The following MGAT4C variants were observed in gnomAD, a reference collection of about 807,000 sequenced individuals.
The protein encoded by MGAT4C is MGAT4 family member C.
In MGAT4C, 19 loss-of-function variants were observed where a neutral mutation model predicts 40.1. The observed-to-expected ratio is 0.47, with a 90% confidence interval of 0.33 to 0.70. The LOEUF (loss-of-function observed/expected upper bound fraction) is 0.70. Ranked by LOEUF, MGAT4C falls within the 30% of genes least tolerant of loss-of-function variation. The pLI is 0.02. For missense variants in MGAT4C, 491 were observed against 563.2 expected (o/e 0.87, Z 1.30); for synonymous variants, 181 against 187.1 (o/e 0.97, Z 0.27).
At chr12:86,497,791 T>G (rs1368582351) in intron 2 of MGAT4C, among the ~76,000 whole-genome samples, 1 of 150,892 alleles carries the variant, frequency 6.6e-6, no homozygotes, top group East Asian at 1.9e-4. Flanking sequence ...TTATTTTGCT[T>G]ATTTTTCACC....
intron 2 of MGAT4C, among the ~76,000 whole-genome samples, chr12:86,464,378 T>G (rs752245393): frequency 1.9e-3 from 284 of 152,298 alleles, no homozygotes; most frequent in Non-Finnish European, 3.1e-3. Context: ...GAAAATTGTA[T>G]CCGCAGTTCT....
At chr12:86,771,865 T>C (rs1360428873) in intron 1 of MGAT4C, among the ~76,000 whole-genome samples, 2 of 152,142 alleles carry the variant, frequency 1.3e-5, no homozygotes, top group African/African-American at 4.8e-5. Flanking sequence ...TGTGTTCTAG[T>C]GTTTTGTGGA....
intron 2 of MGAT4C, among the ~76,000 whole-genome samples, chr12:85,991,359 C>T (rs1353716365): frequency 6.6e-6 from 1 of 152,126 alleles, no homozygotes; most frequent in Non-Finnish European, 1.5e-5. Context: ...TGGGCGGGCC[C>T]AGAAAAGGCA....
At chr12:86,218,652 T>C (rs1950761605) in intron 1 of MGAT4C, among the ~76,000 whole-genome samples, 1 of 152,150 alleles carries the variant, frequency 6.6e-6, no homozygotes, top group Non-Finnish European at 1.5e-5. Flanking sequence ...AGAACTCTAA[T>C]AAAACAACTG....
chr12:86,460,850 A>G (rs551535257), intron 2 of MGAT4C, among the ~76,000 whole-genome samples: 3 of 152,206 alleles, frequency 2.0e-5, no homozygotes, highest in East Asian at 1.9e-4. Flanking sequence ...CTAAATGTCA[A>G]TAGTAAACAA....
intron 1 of MGAT4C, among the ~76,000 whole-genome samples, chr12:86,828,029 T>C (rs1227952788): frequency 6.6e-6 from 1 of 151,188 alleles, no homozygotes; most frequent in African/African-American, 2.4e-5. Flanking sequence ...TCTCTAAAGA[T>C]AAAAACTTAG....
intron 2 of MGAT4C, among the ~76,000 whole-genome samples, chr12:86,592,843 C>T (rs926788954): frequency 4.4e-4 from 67 of 152,264 alleles, no homozygotes; most frequent in African/African-American, 1.5e-3. Context: ...TATTGAATGA[C>T]TTCTGTTCTC....
chr12:86,132,205 T>C (rs2135713922), intron 1 of MGAT4C, among the ~76,000 whole-genome samples: 1 of 152,344 alleles, frequency 6.6e-6, no homozygotes, highest in East Asian at 1.9e-4. Context: ...ACTTTCTGAT[T>C]ATCTGTCTGA....
At chr12:86,031,366 T>C (rs1487884392) in intron 2 of MGAT4C, among the ~76,000 whole-genome samples, 1 of 151,850 alleles carries the variant, frequency 6.6e-6, no homozygotes, top group Non-Finnish European at 1.5e-5. Context: ...CTGCATTCTT[T>C]TTCTCTGGTT....
At chr12:86,426,299 G>A (rs1956924545) in intron 3 of MGAT4C, among the ~76,000 whole-genome samples, 1 of 152,038 alleles carries the variant, frequency 6.6e-6, no homozygotes, top group Non-Finnish European at 1.5e-5. Context: ...TTTACCGATT[G>A]GCTCACGAGT....
intron 1 of MGAT4C, among the ~76,000 whole-genome samples, chr12:86,750,243 C>A (rs549822534): frequency 6.6e-6 from 1 of 151,914 alleles, no homozygotes; most frequent in African/African-American, 2.4e-5. Context: ...GGTTATAGCT[C>A]AGCTGAAAAA....
At chr12:86,189,858 A>T (rs943304665) in intron 1 of MGAT4C, among the ~76,000 whole-genome samples, 2 of 152,068 alleles carry the variant, frequency 1.3e-5, no homozygotes, top group African/African-American at 4.8e-5. Flanking sequence ...CAGATAGAAA[A>T]TACATTCAGG....
At chr12:86,699,847 T>G (rs1327413682) in intron 2 of MGAT4C, among the ~76,000 whole-genome samples, 1 of 151,786 alleles carries the variant, frequency 6.6e-6, no homozygotes, top group Non-Finnish European at 1.5e-5. Context: ...TCACATTGAG[T>G]AGACTGAAGA....
intron 2 of MGAT4C, among the ~76,000 whole-genome samples, chr12:86,588,077 C>T (rs900046498): frequency 2.0e-5 from 3 of 151,834 alleles, no homozygotes; most frequent in Admixed American, 6.6e-5. Context: ...ATGATATTGG[C>T]TGTGGGTCTG....
intron 1 of MGAT4C, among the ~76,000 whole-genome samples, chr12:86,107,039 T>C (rs1004211068): frequency 6.6e-6 from 1 of 152,150 alleles, no homozygotes; most frequent in Non-Finnish European, 1.5e-5. Flanking sequence ...AGATTCACTT[T>C]TGTGGATCTG....
At chr12:86,116,639 C>G (rs561926421) in intron 1 of MGAT4C, among the ~76,000 whole-genome samples, 2 of 152,134 alleles carry the variant, frequency 1.3e-5, no homozygotes, top group South Asian at 4.1e-4. Context: ...ATTTTTAACT[C>G]AAATTGTCCA....
chr12:86,649,701 G>A (rs1963643843), intron 2 of MGAT4C, among the ~76,000 whole-genome samples: 1 of 151,604 alleles, frequency 6.6e-6, no homozygotes, highest in Admixed American at 6.6e-5. Flanking sequence ...CTGAAGATAT[G>A]GTCTTATTTA....
chr12:86,094,675 G>GT (rs1370017810), intron 1 of MGAT4C, among the ~76,000 whole-genome samples: 1 of 152,072 alleles, frequency 6.6e-6, no homozygotes, highest in Non-Finnish European at 1.5e-5. Context: ...ACTAGTTTTT[G>GT]TAAGTATCTG....
At chr12:85,982,019 T>A (rs1188236536) in intron 4 of MGAT4C, among the ~76,000 whole-genome samples, 2 of 152,268 alleles carry the variant, frequency 1.3e-5, no homozygotes, top group South Asian at 4.1e-4. Flanking sequence ...AAATGAGATA[T>A]AAAGAAATCT....
Sources: gnomAD v4.1 joint callset for allele counts (sites outside exome capture counted in the v4.1 genomes callset) on GRCh38, gnomAD v4.1.1 for gene constraint, MANE v1.5 for transcripts, NCBI Gene and HGNC (gene_info 2026-07-23, HGNC 2026-07-21) for gene names.